The following CTNNBL1 variants were observed in gnomAD, a reference collection of about 807,000 sequenced individuals.
CTNNBL1 encodes the protein beta-catenin-like protein 1.
Under a neutral mutation model 72.7 loss-of-function variants are expected in CTNNBL1, and 31 were observed. The ratio of observed to expected loss-of-function variants is 0.43; its 90% confidence interval spans 0.32 to 0.58. The LOEUF (loss-of-function observed/expected upper bound fraction) is 0.58. Ranked by LOEUF, CTNNBL1 falls within the 20% of genes least tolerant of loss-of-function variation. The probability of loss-of-function intolerance (pLI) is 0.08; values close to 1 mark genes in which losing one functional copy is unlikely to be tolerated. For missense variants in CTNNBL1, 534 were observed against 725.1 expected (o/e 0.74, Z 3.03); for synonymous variants, 240 against 267.3 (o/e 0.90, Z 1.00).
intron 11 of CTNNBL1, among the ~76,000 whole-genome samples, chr20:37,825,405 C>T (rs537518735): frequency 1.5e-4 from 23 of 151,742 alleles, no homozygotes; most frequent in Admixed American, 2.6e-4. Context: ...CCGGGCGTGA[C>T]GGCTCACGCC....
chr20:37,836,196 C>T (rs1161380825), intron 11 of CTNNBL1, among the ~76,000 whole-genome samples: 1 of 152,146 alleles, frequency 6.6e-6, no homozygotes, highest in African/African-American at 2.4e-5. Context: ...AAAGAAGGAA[C>T]ATTGATAAGG....
intron 7 of CTNNBL1, among the ~76,000 whole-genome samples, chr20:37,770,453 G>GT (rs1158220161): frequency 6.6e-6 from 1 of 152,136 alleles, no homozygotes; most frequent in Middle Eastern, 3.4e-3. Flanking sequence ...TAATTCAATA[G>GT]TTTTTTTGTC....
intron 13 of CTNNBL1, among the ~76,000 whole-genome samples, chr20:37,855,920 A>G (rs1248676281): frequency 1.3e-5 from 2 of 150,986 alleles, no homozygotes; most frequent in Admixed American, 1.3e-4. Context: ...TTTTTTCAAT[A>G]CTGTTTGGCA....
chr20:37,806,246 C>T (rs1037104385), intron 11 of CTNNBL1, among the ~76,000 whole-genome samples: 8 of 152,198 alleles, frequency 5.3e-5, no homozygotes, highest in African/African-American at 1.7e-4. Context: ...GGTAGCCCAG[C>T]TCCTAGGTGG....
At chr20:37,727,007 A>T (rs1156832578) in intron 1 of CTNNBL1, among the ~76,000 whole-genome samples, 1 of 152,210 alleles carries the variant, frequency 6.6e-6, no homozygotes, top group Non-Finnish European at 1.5e-5. Context: ...TTGCGTGCTC[A>T]GAGGAAATGG....
chr20:37,745,881 G>A (rs2073257411), intron 3 of CTNNBL1, among the ~76,000 whole-genome samples: 1 of 152,192 alleles, frequency 6.6e-6, no homozygotes, highest in South Asian at 2.1e-4. Context: ...TTCAGGTATA[G>A]AAATGTGAGT....
chr20:37,759,131 T>A (rs2073392577), intron 5 of CTNNBL1, among the ~76,000 whole-genome samples: 1 of 152,210 alleles, frequency 6.6e-6, no homozygotes. Context: ...TTCAGGCTCC[T>A]TTAGAGAGCA....
At position 37,872,024 on chromosome 20, in the gene CTNNBL1, G is replaced by C. The variant is rs765779485; in HGVS notation, c.*11G>C. ...CTGGAGAACTTCTAGAGGCACCTTGGCCCTGCGCATCATGGACTCTCTCAG... is the reference window on the plus strand; with the variant it reads ...CTGGAGAACTTCTAGAGGCACCTTGCCCCTGCGCATCATGGACTCTCTCAG... On this transcript the variant is annotated 3_prime_UTR_variant, in exon 16 of 16. Coordinates refer to ENST00000361383, the MANE Select transcript of CTNNBL1 (RefSeq NM_030877.5). The C allele has an allele frequency of 1.3e-5, 21 of 1,609,112 alleles. No homozygotes were observed. Among genetic ancestry groups the C allele is most frequent in the African/African-American group, 2.7e-5 (2 of 74,774 alleles).
At position 37,865,429 on chromosome 20, in the gene CTNNBL1, C is replaced by T. The variant is rs1032587314; in HGVS notation, c.1603+5085C>T. 4.6e-5 allele frequency among the ~76,000 whole-genome samples: 7 copies of T among 152,204 alleles called. 1 individual carries two copies. In the South Asian group the frequency reaches 1.2e-3, roughly 27 times the overall value. On this transcript the variant is annotated intron_variant, in intron 15 of 15. Transcript: ENST00000361383. ...TTTTATTATTGTAGTAATAATTTAT[C>T]GTTTTGACTATTACTACCATCACTA...
At position 37,859,808 on chromosome 20, in the gene CTNNBL1, ATTG is replaced by A. The variant is rs2122859386; in HGVS notation, c.1393-86_1393-84del. The A allele has an allele frequency of 7.8e-6, 10 of 1,284,082 alleles. No individual in the cohort carries two copies. In the South Asian group the frequency reaches 1.1e-4, roughly 14 times the overall value. The allele number at this position is 1,284,082 out of a possible 1,614,324, so 79.5% of individuals were successfully genotyped here. A position where few individuals can be genotyped will look rare whatever the true frequency, so the allele number is the denominator to read the frequency against. Reference sequence around the variant, plus strand: ...TTCTTTTGCTGTTGTTATAGTTGCTATTGTTGTGTGTATTATGGCCAGACTAGG... The same window carrying A: ...TTCTTTTGCTGTTGTTATAGTTGCTATTGTGTGTATTATGGCCAGACTAGG... On this transcript the variant is annotated intron_variant, in intron 13 of 15. Transcript: ENST00000361383.
Position 37,872,110 on chromosome 20 carries a change from G to C in CTNNBL1, c.*97G>C. 8.8e-7 allele frequency: 1 copy of C among 1,136,470 alleles called. No homozygotes were observed. 70.4% of individuals were successfully genotyped at this position (1,136,470 alleles called of 1,614,324 possible). ...GTGGCTTTTGGACAAATTAAAGCTA[G>C]TTTTGGTATCCCCGGGCCAGTTTTC... On this transcript the variant is annotated 3_prime_UTR_variant, in exon 16 of 16. Coordinates refer to ENST00000361383, the MANE Select transcript of CTNNBL1 (RefSeq NM_030877.5).
chr20:37,717,759 C>A, intron 1 of CTNNBL1, among the ~76,000 whole-genome samples: 1 of 152,070 alleles, frequency 6.6e-6, no homozygotes, highest in Non-Finnish European at 1.5e-5. Flanking sequence ...CTGCGGCCTT[C>A]CGTAGTGTTT....
At position 37,765,146 on chromosome 20, in the gene CTNNBL1, G is replaced by A. The variant is rs977855173; in HGVS notation, c.565-51G>A. On this transcript the variant is annotated intron_variant, in intron 5 of 15. Coordinates refer to ENST00000361383, the MANE Select transcript of CTNNBL1 (RefSeq NM_030877.5). ...GTAAGTATGGGAACGGGAACATTTTGGGGACCATTTTATGACATCCCTCTC... is the reference window on the plus strand; with the variant it reads ...GTAAGTATGGGAACGGGAACATTTTAGGGACCATTTTATGACATCCCTCTC... The A allele has an allele frequency of 2.4e-6, 3 of 1,258,698 alleles. No individual in the cohort carries two copies. The African/African-American group carries it at 4.5e-5, about 19-fold the overall frequency. 78.0% of individuals were successfully genotyped at this position (1,258,698 alleles called of 1,614,324 possible).
At chr20:37,775,101 A>C (rs2073562261) in intron 7 of CTNNBL1, among the ~76,000 whole-genome samples, 1 of 152,194 alleles carries the variant, frequency 6.6e-6, no homozygotes, top group South Asian at 2.1e-4. Context: ...AGTCTCATTT[A>C]TTAAGTAGTT....
At chr20:37,843,046 G>A (rs1384074885) in intron 13 of CTNNBL1, among the ~76,000 whole-genome samples, 1 of 152,016 alleles carries the variant, frequency 6.6e-6, no homozygotes, top group Admixed American at 6.5e-5. Flanking sequence ...CACCCTCTGT[G>A]TTTTTCACCT....
chr20:37,749,674 T>C (rs2073300555), intron 4 of CTNNBL1, among the ~76,000 whole-genome samples: 1 of 152,218 alleles, frequency 6.6e-6, no homozygotes, highest in Admixed American at 6.5e-5. Context: ...TAATTTTAAT[T>C]AGAGGCAGCA....
At chr20:37,706,819 A>T (rs1260204469) in intron 1 of CTNNBL1, among the ~76,000 whole-genome samples, 1 of 152,210 alleles carries the variant, frequency 6.6e-6, no homozygotes, top group African/African-American at 2.4e-5. Flanking sequence ...GCAGCTATAG[A>T]CTTATGAATG....
chr20:37,760,009 C>T (rs939932109), intron 5 of CTNNBL1, among the ~76,000 whole-genome samples: 1 of 152,206 alleles, frequency 6.6e-6, no homozygotes, highest in African/African-American at 2.4e-5. Flanking sequence ...GTTGGAAGTC[C>T]TAAGCAATAG....
rs750691181 is a variant in CTNNBL1, at chr20:37,777,429, T to C, written c.823+12T>C. The C allele has an allele frequency of 1.9e-6, 3 of 1,612,196 alleles. No homozygotes were observed. In the South Asian group the frequency reaches 3.3e-5, roughly 18 times the overall value. ...CCAGGACAATGATGGTGAGGCGCCC[T>C]CTCAGTATTGATATTCTGTTAGGAT... On this transcript the variant is annotated intron_variant, in intron 8 of 15. Coordinates refer to ENST00000361383, the MANE Select transcript of CTNNBL1 (RefSeq NM_030877.5).
Sources: allele counts gnomAD v4.1 joint callset (sites outside exome capture counted in the v4.1 genomes callset), GRCh38; gene constraint gnomAD v4.1.1; transcripts MANE v1.5; gene names NCBI Gene and HGNC (gene_info 2026-07-23, HGNC 2026-07-21).